ATP8A2: variants seen among roughly 807,000 people sequenced by gnomAD.
ATP8A2 encodes the protein ATPase phospholipid transporting 8A2, also known as phospholipid-transporting ATPase IB.
ATP8A2 carries 100 observed loss-of-function variants against 165.6 expected under a neutral mutation model. The observed-to-expected ratio is 0.60, with a 90% confidence interval of 0.51 to 0.71. The LOEUF is 0.71. ATP8A2 is among the 30% of genes least tolerant of loss of function. The pLI is 0.00. For missense variants in ATP8A2, 1,227 were observed against 1,479.5 expected (o/e 0.83, Z 2.80); for synonymous variants, 543 against 548.8 (o/e 0.99, Z 0.15).
chr13:25,794,497 CA>C (rs1333118450), intron 27 of ATP8A2, among the ~76,000 whole-genome samples: 1 of 151,898 alleles, frequency 6.6e-6, no homozygotes, highest in Non-Finnish European at 1.5e-5. Context: ...CTGTGGGGAC[CA>C]AAATTAGATC....
intron 2 of ATP8A2, among the ~76,000 whole-genome samples, chr13:25,513,524 G>A (rs1019408015): frequency 2.0e-5 from 3 of 152,048 alleles, no homozygotes; most frequent in African/African-American, 7.2e-5. Context: ...TGGGCGGCCA[G>A]GAGAGACGCT....
At chr13:25,600,270 A>G (rs777575040) in intron 24 of ATP8A2, among the ~76,000 whole-genome samples, 19 of 152,148 alleles carry the variant, frequency 1.2e-4, no homozygotes, top group Non-Finnish European at 2.2e-4. Context: ...GAAGGAGCAC[A>G]TTTCTTTCTT....
chr13:25,588,644 C>G (rs981246059), intron 23 of ATP8A2, among the ~76,000 whole-genome samples: 5 of 152,194 alleles, frequency 3.3e-5, no homozygotes, highest in Admixed American at 1.3e-4. Flanking sequence ...ATCCTTAATC[C>G]ATTATCTTAA....
intron 16 of ATP8A2, among the ~76,000 whole-genome samples, chr13:25,568,337 C>G (rs1201786871): frequency 6.6e-6 from 1 of 152,164 alleles, no homozygotes; most frequent in Non-Finnish European, 1.5e-5. Flanking sequence ...CTTGAGTCTT[C>G]AAGAAGAAAT....
Position 25,862,361 on chromosome 13 carries a change from T to C in ATP8A2, c.3136T>C (p.Ser1046Pro), listed in dbSNP as rs1438856459. 1 of 1,614,114 alleles carries C rather than the reference T, an allele frequency of 6.2e-7. No homozygotes were observed. The highest frequency in any genetic ancestry group is 8.5e-7 in the Non-Finnish European group (1 of 1,179,978). The change falls in exon 33 of 37, where the codon TCG becomes CCG. Residue 1046 changes from serine to proline, a missense_variant. By Grantham distance (74) the Ser-to-Pro change is moderately conservative. Around this residue, in one of 5 missense-constraint regions of ATP8A2, gnomAD observed 260 missense variants for 245.1 expected, o/e 1.06. Coordinates refer to ENST00000381655, the MANE Select transcript of ATP8A2 (RefSeq NM_016529.6). ...CTGGCTGGTGTTTTTTGGCATCTACTCGACCATCTGGCCCACCATTCCCAT... is the reference window on the plus strand; with the variant it reads ...CTGGCTGGTGTTTTTTGGCATCTACCCGACCATCTGGCCCACCATTCCCAT... ...LTWLVFFGIY[S>P]TIWPTIPIAP...
At chr13:25,743,233 C>T (rs887676568) in intron 25 of ATP8A2, among the ~76,000 whole-genome samples, 4 of 152,058 alleles carry the variant, frequency 2.6e-5, no homozygotes, top group South Asian at 4.1e-4. Flanking sequence ...TGCCAAGGAA[C>T]GCCATGGAAT....
At chr13:25,696,498 T>C (rs1393086619) in intron 24 of ATP8A2, among the ~76,000 whole-genome samples, 3 of 152,240 alleles carry the variant, frequency 2.0e-5, no homozygotes, top group Non-Finnish European at 4.4e-5. Context: ...TCATCAATTA[T>C]CTTAGCTAGA....
At chr13:25,456,412 CA>C (rs765943310) in intron 1 of ATP8A2, among the ~76,000 whole-genome samples, 2 of 152,218 alleles carry the variant, frequency 1.3e-5, no homozygotes, top group Non-Finnish European at 2.9e-5. Flanking sequence ...GTGGAAAATG[CA>C]CAGACTGGAC....
intron 23 of ATP8A2, among the ~76,000 whole-genome samples, chr13:25,589,357 C>G (rs192944638): frequency 1.9e-4 from 29 of 152,220 alleles, no homozygotes; most frequent in Non-Finnish European, 4.0e-4. Flanking sequence ...CGATCCAAGG[C>G]TTATCTTAAT....
chr13:25,577,306 A>G (rs958174825), intron 20 of ATP8A2, among the ~76,000 whole-genome samples, 168 bp downstream of exon 20: 1 of 152,192 alleles, frequency 6.6e-6, no homozygotes, highest in East Asian at 1.9e-4. Context: ...ACTGAAGATA[A>G]TGGTGGTTCA....
chr13:25,935,853 T>G (rs1954871858), intron 33 of ATP8A2, among the ~76,000 whole-genome samples: 1 of 152,180 alleles, frequency 6.6e-6, no homozygotes, highest in Non-Finnish European at 1.5e-5. Context: ...AATCAAGCAT[T>G]ATATTAAAAA....
intron 31 of ATP8A2, 71 bp from the exon 32 acceptor site, chr13:25,860,733 G>T: frequency 1.6e-6 from 2 of 1,232,830 alleles, no homozygotes; most frequent in South Asian, 2.6e-5. Context: ...TGGAGAGATG[G>T]GATTTCTCAT....
chr13:25,554,087 T>C (rs1448294746), intron 12 of ATP8A2, among the ~76,000 whole-genome samples, 167 bp downstream of exon 12: 1 of 152,162 alleles, frequency 6.6e-6, no homozygotes, highest in Non-Finnish European at 1.5e-5. Context: ...GAGGGTGTTT[T>C]TGGGGAATGG....
intron 24 of ATP8A2, among the ~76,000 whole-genome samples, chr13:25,614,875 A>G (rs9578893): frequency 0.067 from 10,167 of 152,286 alleles, 791 homozygotes; most frequent in African/African-American, 0.17. Flanking sequence ...TCTCTCAGCC[A>G]TGGATACCAG....
At chr13:25,895,181 T>C (rs1248187934) in intron 33 of ATP8A2, among the ~76,000 whole-genome samples, 3 of 152,212 alleles carry the variant, frequency 2.0e-5, no homozygotes, top group Non-Finnish European at 2.9e-5. Flanking sequence ...TTGTCATAGA[T>C]AGCTCTTATT....
intron 35 of ATP8A2, among the ~76,000 whole-genome samples, chr13:25,970,756 C>T (rs577431205): frequency 1.3e-5 from 2 of 152,262 alleles, no homozygotes; most frequent in Admixed American, 6.5e-5. Context: ...CATGAGCTGT[C>T]GGCCTTGAAT....
chr13:25,457,165 C>T (rs1008958836), intron 1 of ATP8A2, among the ~76,000 whole-genome samples: 1 of 152,146 alleles, frequency 6.6e-6, no homozygotes, highest in Non-Finnish European at 1.5e-5. Flanking sequence ...GCACCCAGTA[C>T]CATCACTGCT....
chr13:25,529,573 G>C (rs2037963846), intron 2 of ATP8A2, among the ~76,000 whole-genome samples: 1 of 152,176 alleles, frequency 6.6e-6, no homozygotes, highest in Non-Finnish European at 1.5e-5. Flanking sequence ...AAAAGTGTGA[G>C]CAAACATGAT....
chr13:25,728,616 G>A (rs1258305804), intron 25 of ATP8A2, among the ~76,000 whole-genome samples: 2 of 152,188 alleles, frequency 1.3e-5, no homozygotes, highest in African/African-American at 4.8e-5. Flanking sequence ...GCATTGCAAT[G>A]TACTATTGTT....
Sources: gnomAD v4.1 joint callset for allele counts (sites outside exome capture counted in the v4.1 genomes callset) on GRCh38, gnomAD v4.1.1 for gene constraint, gnomAD v4.1.1 regional missense constraint, MANE v1.5 for transcripts, NCBI Gene and HGNC (gene_info 2026-07-23, HGNC 2026-07-21) for gene names.